Variants in SCHIP1 observed in about 807,000 individuals in gnomAD.
SCHIP1 encodes schwannomin-interacting protein 1.
SCHIP1 carries 8 observed loss-of-function variants against 29.7 expected under a neutral mutation model. The ratio of observed to expected loss-of-function variants is 0.27; its 90% CI spans 0.16 to 0.49. The LOEUF is 0.49. Among genes scored for constraint, SCHIP1 ranks in the 20% least tolerant of loss-of-function variants. The pLI, the probability that SCHIP1 is intolerant of heterozygous loss-of-function variation, is 0.99. For missense variants in SCHIP1, 193 were observed against 294.6 expected (o/e 0.66, Z 2.52); for synonymous variants, 76 against 94.9 (o/e 0.80, Z 1.16).
At chr3:159,765,120 G>A in the SCHIP1 span, 1 of 1,567,252 alleles carries the variant, frequency 6.4e-7, no homozygotes, top group Non-Finnish European at 8.6e-7. Flanking sequence ...AGGGCCAGGC[G>A]AGGACCAACT....
At chr3:159,320,188 T>C in the SCHIP1 span, among the ~76,000 whole-genome samples, 1 of 152,226 alleles carries the variant, frequency 6.6e-6, no homozygotes, top group East Asian at 1.9e-4. Flanking sequence ...CAACTGTTAT[T>C]AAACAAAGAA....
chr3:159,868,610 C>G (rs934259285), intron 2 of SCHIP1, among the ~76,000 whole-genome samples: 1 of 152,010 alleles, frequency 6.6e-6, no homozygotes, highest in Non-Finnish European at 1.5e-5. Context: ...ATTTTTTGTC[C>G]TGAAATTAGA....
the SCHIP1 span, among the ~76,000 whole-genome samples, chr3:159,682,067 G>A: frequency 6.6e-6 from 1 of 152,198 alleles, no homozygotes; most frequent in Admixed American, 6.5e-5. Context: ...CTATGTGCAG[G>A]AGGGATGATA....
At chr3:159,786,666 CGTGT>C in the SCHIP1 span, among the ~76,000 whole-genome samples, 21,283 of 124,720 alleles carry the variant, frequency 0.17, 1,524 homozygotes, top group East Asian at 0.36. Flanking sequence ...TGAGTCAAAG[CGTGT>C]GTGTGTGTGT....
chr3:159,432,339 T>A, the SCHIP1 span, among the ~76,000 whole-genome samples: 19,536 of 67,260 alleles, frequency 0.29, 2,224 homozygotes, highest in African/African-American at 0.39. Context: ...TGTGTGTGTG[T>A]GAGAGAGAGA....
the SCHIP1 span, among the ~76,000 whole-genome samples, chr3:159,769,024 A>G: frequency 1.3e-5 from 2 of 152,118 alleles, no homozygotes; most frequent in Admixed American, 6.5e-5. Flanking sequence ...AGGGCCATAG[A>G]TGGAGTAAAG....
chr3:159,557,574 G>C, the SCHIP1 span, among the ~76,000 whole-genome samples: 27 of 152,290 alleles, frequency 1.8e-4, no homozygotes, highest in African/African-American at 6.3e-4. Context: ...CCATCGTGTT[G>C]GGAGGCCAAG....
chr3:159,714,541 C>T, the SCHIP1 span, among the ~76,000 whole-genome samples: 1 of 152,224 alleles, frequency 6.6e-6, no homozygotes, highest in Non-Finnish European at 1.5e-5. Flanking sequence ...AGGTCACTCC[C>T]ACCCTAATAC....
At chr3:159,432,437 T>C in the SCHIP1 span, among the ~76,000 whole-genome samples, 182 of 151,898 alleles carry the variant, frequency 1.2e-3, 1 homozygote, top group Admixed American at 9.6e-3. Context: ...GTGGAAGTCA[T>C]ACATGTTCAC....
At chr3:159,834,799 A>C in the SCHIP1 span, among the ~76,000 whole-genome samples, 1 of 152,216 alleles carries the variant, frequency 6.6e-6, no homozygotes, top group Non-Finnish European at 1.5e-5. Context: ...GTATAAAATT[A>C]CCTTCAGGTG....
chr3:159,789,486 C>T, the SCHIP1 span, among the ~76,000 whole-genome samples: 1 of 152,206 alleles, frequency 6.6e-6, no homozygotes, highest in Non-Finnish European at 1.5e-5. Flanking sequence ...TAACCATAAT[C>T]CCCCACCTCC....
the SCHIP1 span, among the ~76,000 whole-genome samples, chr3:159,394,957 G>T: frequency 6.6e-6 from 1 of 152,134 alleles, no homozygotes; most frequent in Admixed American, 6.5e-5. Flanking sequence ...GACTCTTTTT[G>T]GTTGGTAAGC....
chr3:159,728,129 G>A, the SCHIP1 span, among the ~76,000 whole-genome samples: 1 of 151,828 alleles, frequency 6.6e-6, no homozygotes, highest in Non-Finnish European at 1.5e-5. Flanking sequence ...TGCTGTGATT[G>A]TCTTACTAGT....
At chr3:159,766,416 T>C in the SCHIP1 span, among the ~76,000 whole-genome samples, 1 of 152,210 alleles carries the variant, frequency 6.6e-6, no homozygotes, top group Admixed American at 6.5e-5. Context: ...TCCAGCTGTT[T>C]AGGAGTTTAC....
chr3:159,424,998 T>C, the SCHIP1 span, among the ~76,000 whole-genome samples: 4 of 148,740 alleles, frequency 2.7e-5, no homozygotes, highest in Non-Finnish European at 6.0e-5. Flanking sequence ...TGCTGAGAGA[T>C]TTTGTCACCA....
chr3:159,712,790 GAAGA>G, the SCHIP1 span, among the ~76,000 whole-genome samples: 4 of 149,950 alleles, frequency 2.7e-5, no homozygotes, highest in Non-Finnish European at 4.4e-5. Context: ...AGAAAGGAAG[GAAGA>G]AAGAGAGAGA....
chr3:159,310,424 G>T, the SCHIP1 span, among the ~76,000 whole-genome samples: 1 of 151,950 alleles, frequency 6.6e-6, no homozygotes, highest in African/African-American at 2.4e-5. Context: ...CCTCATTAGG[G>T]TGCATATTTA....
chr3:159,438,538 T>G, the SCHIP1 span, among the ~76,000 whole-genome samples: 1 of 152,138 alleles, frequency 6.6e-6, no homozygotes, highest in African/African-American at 2.4e-5. Flanking sequence ...GTTTATTACA[T>G]AGGTTAATGT....
At chr3:159,298,965 C>T in the SCHIP1 span, among the ~76,000 whole-genome samples, 19 of 152,250 alleles carry the variant, frequency 1.2e-4, 2 homozygotes, top group South Asian at 3.3e-3. Context: ...AAAGCCTCTC[C>T]TCTCTGTACC....
Sources: gnomAD v4.1 joint callset for allele counts (sites outside exome capture counted in the v4.1 genomes callset) on GRCh38, gnomAD v4.1.1 for gene constraint, MANE v1.5 for transcripts, NCBI Gene and HGNC (gene_info 2026-07-23, HGNC 2026-07-21) for gene names.